NBEAL1: variants seen among roughly 807,000 people sequenced by gnomAD.
NBEAL1 encodes the protein neurobeachin like 1, also known as neurobeachin-like protein 1.
In NBEAL1, 273 loss-of-function variants were observed where a neutral mutation model predicts 351.3. That is an observed-to-expected ratio of 0.78 (90% CI 0.70 to 0.86). The LOEUF (loss-of-function observed/expected upper bound fraction) is 0.86. NBEAL1 is among the 40% of genes least tolerant of loss of function. NBEAL1 has a pLI of 0.00. For synonymous variants in NBEAL1, 1,050 were observed against 1,086.4 expected (o/e 0.97, Z 0.66); for missense variants, 2,961 against 3,201.3 (o/e 0.92, Z 1.81).
intron 53 of NBEAL1, among the ~76,000 whole-genome samples, chr2:203,210,755 A>T (rs2065765050): frequency 1.3e-5 from 2 of 152,156 alleles, no homozygotes; most frequent in African/African-American, 4.8e-5. Flanking sequence ...AGAGAGTGAG[A>T]TTTCTCGTTT....
chr2:203,183,692 G>C (rs2064802108), intron 44 of NBEAL1, among the ~76,000 whole-genome samples: 1 of 152,060 alleles, frequency 6.6e-6, no homozygotes, highest in South Asian at 2.1e-4. Flanking sequence ...GTGTAGTTTG[G>C]TGTTTTACAG....
chr2:203,113,197 A>T lies in NBEAL1; in HGVS notation c.2385A>T (p.Ile795=). ...IEKSKLITKL[I]SAGTQDSEWG... ...AATCAAAATTGATTACCAAATTGATATCAGCTGGAACCCAAGACAGTGAAT... is the reference window on the plus strand; with the variant it reads ...AATCAAAATTGATTACCAAATTGATTTCAGCTGGAACCCAAGACAGTGAAT... Residue 795 remains isoleucine, a synonymous_variant, in exon 17 of 56, where the codon ATA becomes ATT. Transcript: ENST00000683969. 1 of 1,550,868 alleles carries T rather than the reference A, an allele frequency of 6.4e-7. No homozygotes were observed. Among genetic ancestry groups the T allele is most frequent in the Non-Finnish European group, 8.7e-7 (1 of 1,146,306 alleles).
intron 10 of NBEAL1, among the ~76,000 whole-genome samples, chr2:203,094,774 G>A (rs576737074): frequency 9.9e-5 from 15 of 152,246 alleles, no homozygotes; most frequent in Admixed American, 6.5e-5. Flanking sequence ...AAATTACAGG[G>A]ATATGATTTG....
At chr2:203,128,550 A>G (rs2062999720) in intron 24 of NBEAL1, among the ~76,000 whole-genome samples, 1 of 151,018 alleles carries the variant, frequency 6.6e-6, no homozygotes, top group African/African-American at 2.4e-5. Context: ...TGCGTGGTGT[A>G]TGTTTACTTA....
rs2062613968 is a variant in NBEAL1 at position 203,113,284 on chromosome 2, A to G, written c.2472A>G (p.Leu824=). The G allele has an allele frequency of 6.2e-6, 9 of 1,457,222 alleles. No homozygotes were observed. The highest frequency in any genetic ancestry group is 1.4e-5 in the African/African-American group (1 of 70,658). 90.3% of individuals were successfully genotyped at this position (1,457,222 alleles called of 1,614,324 possible). A position where few individuals can be genotyped will look rare whatever the true frequency, so the allele number is the denominator to read the frequency against. The change falls in exon 17 of 56, where the codon CTA becomes CTG. Residue 824 remains leucine, a synonymous_variant. Transcript: ENST00000683969. The part of the protein sequence containing the change: ...LGSVIIFYEP[L]QPPQVKALYL... ...CTGTTATCATCTTTTATGAACCACT[A>G]CAACCTCCTCAGGTGAAGGCATTAT...
intron 26 of NBEAL1, among the ~76,000 whole-genome samples, chr2:203,132,358 G>GT (rs1388089321): frequency 6.6e-5 from 10 of 152,324 alleles, no homozygotes; most frequent in Admixed American, 5.2e-4. Context: ...TAATAAGTGA[G>GT]TCCACGGAAC....
chr2:203,115,958 G>C, intron 17 of NBEAL1, 27 bp from the exon 18 acceptor site: 1 of 1,415,758 alleles, frequency 7.1e-7, no homozygotes, highest in Non-Finnish European at 9.8e-7. Flanking sequence ...ATTCAATGGT[G>C]TGTATGTGTG....
chr2:203,167,846 C>T (rs1213783500), intron 38 of NBEAL1, among the ~76,000 whole-genome samples: 2 of 152,144 alleles, frequency 1.3e-5, no homozygotes, highest in East Asian at 1.9e-4. Context: ...GCCTTCCTCC[C>T]CTCTCTCATT....
intron 42 of NBEAL1, among the ~76,000 whole-genome samples, chr2:203,178,737 G>A (rs368983353): frequency 9.2e-5 from 14 of 152,226 alleles, no homozygotes; most frequent in East Asian, 3.9e-4. Flanking sequence ...AATAAAAATA[G>A]GCATAGAGAT....
chr2:203,201,957 G>GT (rs927273836), intron 50 of NBEAL1, among the ~76,000 whole-genome samples: 99 of 149,572 alleles, frequency 6.6e-4, no homozygotes, highest in African/African-American at 2.0e-3. Context: ...AGGCTAAGTT[G>GT]TTTTTTTTTA....
At chr2:203,076,047 A>G (rs886448462) in intron 7 of NBEAL1, among the ~76,000 whole-genome samples, 6 of 152,228 alleles carry the variant, frequency 3.9e-5, no homozygotes, top group African/African-American at 1.4e-4. Flanking sequence ...GCAAAAGGGT[A>G]TTCATAACAG....
intron 39 of NBEAL1, 41 bp from the exon 40 acceptor site, chr2:203,171,887 G>T (rs1053221354): frequency 3.4e-6 from 4 of 1,175,226 alleles, no homozygotes; most frequent in Non-Finnish European, 2.4e-6. Context: ...AAGAGATGTA[G>T]ATTTTTAAAT....
At position 203,108,024 on chromosome 2, in the gene NBEAL1, C is replaced by T; in HGVS notation, c.1785C>T (p.Ala595=). 6.4e-7 allele frequency: 1 copy of T among 1,553,982 alleles called. No individual in the cohort carries two copies. Among genetic ancestry groups the T allele is most frequent in the East Asian group, 2.4e-5 (1 of 41,614 alleles). Residue 595 remains alanine, a synonymous_variant, in exon 14 of 56, where the codon GCC becomes GCT. Coordinates refer to ENST00000683969, the MANE Select transcript of NBEAL1 (RefSeq NM_001378026.1). ...TMARKLSLES[A]LQYFNLSHSM... is the part of the protein sequence containing the mutation. ...CCCGAAAACTAAGTCTAGAGAGTGC[C>T]CTCCAGTATTTCAATTTGTCACATA...
chr2:203,022,408 A>G (rs1259115726), intron 2 of NBEAL1, among the ~76,000 whole-genome samples: 1 of 151,928 alleles, frequency 6.6e-6, no homozygotes, highest in Non-Finnish European at 1.5e-5. Context: ...TATTTTATTG[A>G]GATTGAATTT....
At chr2:203,067,608 A>G (rs905698543) in intron 6 of NBEAL1, among the ~76,000 whole-genome samples, 1 of 152,230 alleles carries the variant, frequency 6.6e-6, no homozygotes, top group Non-Finnish European at 1.5e-5. Flanking sequence ...TTAGACGTAC[A>G]GAATTTCTAT....
intron 19 of NBEAL1, among the ~76,000 whole-genome samples, chr2:203,123,690 A>G (rs2062878768): frequency 6.6e-6 from 1 of 152,152 alleles, no homozygotes; most frequent in Non-Finnish European, 1.5e-5. Flanking sequence ...ATGACACTTC[A>G]TAAGTTAACT....
intron 31 of NBEAL1, 47 bp from the exon 32 acceptor site, chr2:203,144,553 A>G: frequency 1.3e-6 from 2 of 1,519,656 alleles, no homozygotes; most frequent in Non-Finnish European, 1.8e-6. Flanking sequence ...CTTTCACTAA[A>G]TGTTTGCTTT....
intron 46 of NBEAL1, chr2:203,190,701 T>G: frequency 6.4e-7 from 1 of 1,556,964 alleles, no homozygotes; most frequent in Non-Finnish European, 8.7e-7. Context: ...GCTCTCGGCT[T>G]TCGGCTCGGA....
At position 203,222,417 on chromosome 2, in the gene NBEAL1, T is replaced by A. The variant is rs1025921226; in HGVS notation, c.*5063T>A. On this transcript the variant is annotated 3_prime_UTR_variant, in exon 56 of 56. Transcript: ENST00000683969. ...TGCATAGAAATTTGTCCATTTATCT[T>A]TATATACCAGATCCAATATTCAGAC... 3.9e-5 allele frequency among the ~76,000 whole-genome samples: 6 copies of A among 152,198 alleles called. No individual in the cohort carries two copies. The highest frequency in any genetic ancestry group is 8.8e-5 in the Non-Finnish European group (6 of 68,028).
Sources: gnomAD v4.1 joint callset for allele counts (sites outside exome capture counted in the v4.1 genomes callset) on GRCh38, gnomAD v4.1.1 for gene constraint, MANE v1.5 for transcripts, NCBI Gene and HGNC (gene_info 2026-07-23, HGNC 2026-07-21) for gene names.